GALNT17: variants seen among roughly 807,000 people sequenced by gnomAD.
GALNT17 encodes the protein polypeptide N-acetylgalactosaminyltransferase 17.
GALNT17 carries 29 observed loss-of-function variants against 63.7 expected under a neutral mutation model. The observed-to-expected ratio is 0.46, with a 90% CI of 0.34 to 0.62. The LOEUF is 0.62. Ranked by LOEUF, GALNT17 falls within the 20% of genes least tolerant of loss-of-function variation. The probability of loss-of-function intolerance (pLI) is 0.01; values close to 1 mark genes in which losing one functional copy is unlikely to be tolerated. For missense variants in GALNT17, 603 were observed against 799.6 expected (o/e 0.75, Z 2.97); for synonymous variants, 305 against 318.3 (o/e 0.96, Z 0.45).
At chr7:71,245,591 C>G (rs935211905) in intron 1 of GALNT17, among the ~76,000 whole-genome samples, 5 of 152,186 alleles carry the variant, frequency 3.3e-5, no homozygotes, top group Non-Finnish European at 1.5e-5. Flanking sequence ...TGTGCAACCT[C>G]TAGTTCTGGG....
At chr7:71,676,084 G>A (rs1306025087) in intron 8 of GALNT17, among the ~76,000 whole-genome samples, 10 of 152,186 alleles carry the variant, frequency 6.6e-5, no homozygotes, top group Admixed American at 6.5e-4. Context: ...TAGATGGAAA[G>A]GACCAGCAAC....
chr7:71,296,153 A>G (rs1435643733), intron 1 of GALNT17, among the ~76,000 whole-genome samples: 1 of 152,110 alleles, frequency 6.6e-6, no homozygotes, highest in Non-Finnish European at 1.5e-5. Flanking sequence ...TGTCTTTATC[A>G]TCACCATTAG....
chr7:71,598,409 G>A (rs925418141), intron 6 of GALNT17, among the ~76,000 whole-genome samples: 1 of 152,200 alleles, frequency 6.6e-6, no homozygotes, highest in African/African-American at 2.4e-5. Flanking sequence ...GGTCATCAGA[G>A]ATATAGGCAA....
chr7:71,430,257 G>A (rs1449874313), intron 5 of GALNT17, among the ~76,000 whole-genome samples: 1 of 152,186 alleles, frequency 6.6e-6, no homozygotes, highest in Admixed American at 6.5e-5. Flanking sequence ...AGAGTGAGGT[G>A]TAAGATAAGA....
chr7:71,392,964 C>G (rs1793076765), intron 3 of GALNT17, among the ~76,000 whole-genome samples: 1 of 152,314 alleles, frequency 6.6e-6, no homozygotes, highest in South Asian at 2.1e-4. Flanking sequence ...ACACTGTAAT[C>G]ATGGAATTGA....
chr7:71,531,327 C>G (rs941610424), intron 5 of GALNT17, among the ~76,000 whole-genome samples: 1 of 152,090 alleles, frequency 6.6e-6, no homozygotes, highest in African/African-American at 2.4e-5. Context: ...GATGAGAACA[C>G]TTAACATAAG....
chr7:71,611,055 C>T (rs899350237), intron 6 of GALNT17, among the ~76,000 whole-genome samples: 1 of 151,902 alleles, frequency 6.6e-6, no homozygotes, highest in Non-Finnish European at 1.5e-5. Context: ...TTTGTCTCCA[C>T]TGTCTTCTTT....
intron 9 of GALNT17, among the ~76,000 whole-genome samples, chr7:71,695,270 C>T (rs1268729233): frequency 6.6e-6 from 1 of 152,206 alleles, no homozygotes; most frequent in African/African-American, 2.4e-5. Context: ...GCTCCTAGAA[C>T]TGTCTCTGCA....
chr7:71,227,871 A>G (rs995091859), intron 1 of GALNT17, among the ~76,000 whole-genome samples: 8 of 152,036 alleles, frequency 5.3e-5, no homozygotes, highest in Non-Finnish European at 1.0e-4. Context: ...TGAGGAAGAG[A>G]CACAGGGCAA....
chr7:71,374,181 A>G (rs993997991), intron 2 of GALNT17, among the ~76,000 whole-genome samples: 6 of 152,224 alleles, frequency 3.9e-5, no homozygotes, highest in African/African-American at 1.4e-4. Context: ...TTGATGAATA[A>G]TTCCTTCTTT....
At chr7:71,538,731 C>A (rs905341713) in intron 5 of GALNT17, among the ~76,000 whole-genome samples, 2 of 152,062 alleles carry the variant, frequency 1.3e-5, no homozygotes, top group Non-Finnish European at 2.9e-5. Context: ...TCTCTGAGCT[C>A]AGGAGCTGAG....
At chr7:71,236,106 A>G (rs941434049) in intron 1 of GALNT17, among the ~76,000 whole-genome samples, 3 of 151,904 alleles carry the variant, frequency 2.0e-5, no homozygotes, top group Non-Finnish European at 4.4e-5. Context: ...GCTTGAACCC[A>G]GGAGGTGGAG....
intron 5 of GALNT17, among the ~76,000 whole-genome samples, chr7:71,517,759 A>C (rs1354783152): frequency 6.6e-6 from 1 of 152,182 alleles, no homozygotes; most frequent in African/African-American, 2.4e-5. Context: ...ACAGGGAATA[A>C]CCTTTTTTCC....
At position 71,402,118 on chromosome 7, in the gene GALNT17, C is replaced by A. The variant is rs190708815; in HGVS notation, c.589+13717C>A. Among the ~76,000 whole-genome samples, 38 of 152,320 alleles carry A rather than the reference C, an allele frequency of 2.5e-4. 4 individuals carry two copies. The East Asian group carries it at 2.9e-3, about 12-fold the overall frequency. On this transcript the variant is annotated intron_variant, in intron 3 of 10. Coordinates refer to ENST00000333538, the MANE Select transcript of GALNT17 (RefSeq NM_022479.3). ...AGTTGGGGTAATAGTAGCTTTCATT[C>A]AGGGTTTTCATTGTGAGGTTTAGAG...
intron 2 of GALNT17, among the ~76,000 whole-genome samples, chr7:71,371,141 C>T (rs545190681): frequency 6.6e-6 from 1 of 152,276 alleles, no homozygotes; most frequent in African/African-American, 2.4e-5. Flanking sequence ...CACAGTGTGT[C>T]TCTTATTTAA....
Position 71,363,260 on chromosome 7 carries a change from C to T in GALNT17, c.423-24975C>T, listed in dbSNP as rs190771123. On this transcript the variant is annotated intron_variant, in intron 2 of 10. Transcript: ENST00000333538. The stretch of plus-strand genomic sequence containing the variant: ...GGGATTACAGTCGTGAGCCACTGCA[C>T]CTGGCCACTTTGTTCCATTTCTAAT... Among the ~76,000 whole-genome samples the T allele has an allele frequency of 3.9e-5, 6 of 152,300 alleles. No homozygotes were observed. The East Asian group carries it at 9.7e-4, about 25-fold the overall frequency.
chr7:71,314,167 T>C (rs932577437), intron 1 of GALNT17, among the ~76,000 whole-genome samples: 2 of 152,206 alleles, frequency 1.3e-5, no homozygotes, highest in Admixed American at 6.5e-5. Flanking sequence ...ATGTGTAATT[T>C]ATTGCTCTGC....
At chr7:71,684,000 C>G (rs1211968452) in intron 9 of GALNT17, among the ~76,000 whole-genome samples, 2 of 114,496 alleles carry the variant, frequency 1.7e-5, no homozygotes, top group East Asian at 5.2e-4. Flanking sequence ...CAGAGCAACA[C>G]TCTGTCTCAA....
At chr7:71,689,698 A>G (rs2079961) in intron 9 of GALNT17, among the ~76,000 whole-genome samples, 114,765 of 152,126 alleles carry the variant, frequency 0.75, 43,436 homozygotes, top group East Asian at 0.85. Context: ...AGCTAAACTC[A>G]TTGCTGAAGG....
Sources: allele counts gnomAD v4.1 joint callset (sites outside exome capture counted in the v4.1 genomes callset), GRCh38; gene constraint gnomAD v4.1.1; transcripts MANE v1.5; gene names NCBI Gene and HGNC (gene_info 2026-07-23, HGNC 2026-07-21).